The following PRKN variants were observed in gnomAD, a reference collection of about 807,000 sequenced individuals.
PRKN encodes the protein parkin RBR E3 ubiquitin protein ligase.
PRKN carries 56 observed loss-of-function variants against 59.5 expected under a neutral mutation model. The observed-to-expected ratio is 0.94, with a 90% CI of 0.76 to 1.18. The LOEUF is 1.18. PRKN is among the 50% of genes most tolerant of loss of function. PRKN has a pLI of 0.00. For missense variants in PRKN, 657 were observed against 596.4 expected, an observed-to-expected ratio of 1.10 and a Z score of -1.06; for synonymous variants, 250 against 222.1, an observed-to-expected ratio of 1.13 and a Z score of -1.12.
At chr6:161,956,199 G>A (rs1780163750) in intron 6 of PRKN, among the ~76,000 whole-genome samples, 1 of 152,150 alleles carries the variant, frequency 6.6e-6, no homozygotes, top group African/African-American at 2.4e-5. Flanking sequence ...GACAACTAGA[G>A]GTAGAACTGG....
At chr6:161,801,461 C>A (rs775681986) in intron 6 of PRKN, among the ~76,000 whole-genome samples, 1 of 152,182 alleles carries the variant, frequency 6.6e-6, no homozygotes, top group Non-Finnish European at 1.5e-5. Flanking sequence ...GGTGGGGCCA[C>A]CCCAAGGAAA....
chr6:162,624,279 G>T (rs1782797142), intron 1 of PRKN: 2 of 150,414 alleles, frequency 1.3e-5, no homozygotes, highest in African/African-American at 4.9e-5. Flanking sequence ...ACCAAAAACT[G>T]AAATCTACTC....
At chr6:162,026,255 G>C (rs1354306105) in intron 5 of PRKN, among the ~76,000 whole-genome samples, 1 of 152,208 alleles carries the variant, frequency 6.6e-6, no homozygotes, top group Admixed American at 6.5e-5. Context: ...ATGACAAATG[G>C]AAGGCAAGTT....
rs551861594 is a variant in PRKN at position 162,251,152 on chromosome 6, G to A, written c.412+11373C>T. On this transcript the variant is annotated intron_variant, in intron 3 of 11. Transcript: ENST00000366898. ...ATCTTCTATTCTTCAATGATTCCTT[G>A]TCTTTTTTAGTTAAAAACAGTATTA... Among the ~76,000 whole-genome samples the A allele has an allele frequency of 4.6e-5, 7 of 152,146 alleles. No homozygotes were observed. The South Asian group carries it at 1.5e-3, about 32-fold the overall frequency.
intron 3 of PRKN, among the ~76,000 whole-genome samples, chr6:162,226,679 G>A (rs943608135): frequency 3.3e-5 from 5 of 152,082 alleles, no homozygotes; most frequent in African/African-American, 1.2e-4. Context: ...GACTACAGGC[G>A]CCTGCTACCA....
At chr6:161,535,566 G>C (rs905095138) in intron 9 of PRKN, among the ~76,000 whole-genome samples, 1 of 152,180 alleles carries the variant, frequency 6.6e-6, no homozygotes, top group African/African-American at 2.4e-5. Flanking sequence ...TGGGCACATC[G>C]CACCCCGAAT....
chr6:161,978,346 G>A (rs1000011840), intron 5 of PRKN, among the ~76,000 whole-genome samples: 8 of 152,172 alleles, frequency 5.3e-5, no homozygotes, highest in East Asian at 1.9e-4. Flanking sequence ...CACTGTGCCC[G>A]GCCGATCTGG....
intron 6 of PRKN, among the ~76,000 whole-genome samples, chr6:161,790,113 C>T (rs1202198547): frequency 2.6e-5 from 4 of 151,930 alleles, no homozygotes; most frequent in African/African-American, 4.8e-5. Flanking sequence ...TCTGGGAGCC[C>T]GAAAGTTAGG....
At chr6:162,280,000 T>C (rs530619919) in intron 2 of PRKN, among the ~76,000 whole-genome samples, 6 of 151,426 alleles carry the variant, frequency 4.0e-5, no homozygotes. Context: ...AAACTCTCCT[T>C]TTTTTTTGCA....
chr6:162,466,326 T>G (rs1186620335), intron 1 of PRKN, among the ~76,000 whole-genome samples: 8 of 152,220 alleles, frequency 5.3e-5, no homozygotes, highest in Non-Finnish European at 1.0e-4. Flanking sequence ...AGAATAGGCT[T>G]TGTGTGCTAA....
intron 1 of PRKN, among the ~76,000 whole-genome samples, chr6:162,667,239 TTAA>T (rs1241458142): frequency 7.9e-5 from 12 of 152,054 alleles, no homozygotes; most frequent in Non-Finnish European, 1.5e-4. Flanking sequence ...TTTTCTTAGT[TTAA>T]TATTAAAAAC....
intron 7 of PRKN, among the ~76,000 whole-genome samples, chr6:161,779,902 A>G (rs1790132569): frequency 6.6e-6 from 1 of 152,210 alleles, no homozygotes; most frequent in African/African-American, 2.4e-5. Context: ...GGAAATCCCA[A>G]TCCCAACCTA....
chr6:162,309,905 AT>A (rs1296656291), intron 2 of PRKN, among the ~76,000 whole-genome samples: 1 of 151,976 alleles, frequency 6.6e-6, no homozygotes. Context: ...GTTGTTCCCT[AT>A]ATGTATTCAT....
At chr6:162,338,460 G>T (rs959171233) in intron 2 of PRKN, among the ~76,000 whole-genome samples, 13 of 152,152 alleles carry the variant, frequency 8.5e-5, no homozygotes, top group Non-Finnish European at 1.9e-4. Flanking sequence ...TGCTGTGTTG[G>T]CCGGGCCGGT....
chr6:162,541,112 C>G (rs1778908742), intron 1 of PRKN, among the ~76,000 whole-genome samples: 1 of 152,182 alleles, frequency 6.6e-6, no homozygotes, highest in Non-Finnish European at 1.5e-5. Context: ...GGTTTTCAAA[C>G]ACGGAGTCCC....
chr6:162,398,876 T>C (rs761925258), intron 2 of PRKN, among the ~76,000 whole-genome samples: 8 of 152,244 alleles, frequency 5.3e-5, no homozygotes, highest in Non-Finnish European at 1.0e-4. Context: ...TATTTTCTAA[T>C]GGGCAATCTT....
chr6:162,410,546 T>G (rs1788306191), intron 2 of PRKN, among the ~76,000 whole-genome samples: 1 of 152,136 alleles, frequency 6.6e-6, no homozygotes, highest in South Asian at 2.1e-4. Context: ...AAAGCCTCCT[T>G]TTGTTTTTCT....
At chr6:162,095,453 T>C (rs1779686251) in intron 4 of PRKN, among the ~76,000 whole-genome samples, 1 of 152,176 alleles carries the variant, frequency 6.6e-6, no homozygotes, top group South Asian at 2.1e-4. Context: ...TGAGAGGTTA[T>C]TTAAATGTTT....
intron 3 of PRKN, among the ~76,000 whole-genome samples, chr6:162,252,628 C>T (rs148254669): frequency 1.3e-5 from 2 of 152,220 alleles, no homozygotes; most frequent in African/African-American, 4.8e-5. Context: ...GTGCTCCCTC[C>T]ACCATGAGAG....
Sources: gnomAD v4.1 joint callset for allele counts (sites outside exome capture counted in the v4.1 genomes callset) on GRCh38, gnomAD v4.1.1 for gene constraint, MANE v1.5 for transcripts, NCBI Gene and HGNC (gene_info 2026-07-23, HGNC 2026-07-21) for gene names.